PALS2: variants seen among roughly 807,000 people sequenced by gnomAD.
PALS2 encodes the protein protein PALS2.
PALS2 carries 27 observed loss-of-function variants against 61.6 expected under a neutral mutation model. The observed-to-expected ratio is 0.44, with a 90% CI of 0.32 to 0.60. PALS2 has a LOEUF of 0.60. PALS2 is among the 20% of genes least tolerant of loss of function. PALS2 has a pLI of 0.05. For synonymous variants in PALS2, 236 were observed against 218.6 expected, an observed-to-expected ratio of 1.08 and a Z score of -0.70; for missense variants, 554 against 639.4, an observed-to-expected ratio of 0.87 and a Z score of 1.44.
intron 2 of PALS2, chr7:24,624,140 G>A: frequency 2.3e-6 from 3 of 1,287,436 alleles, no homozygotes; most frequent in Non-Finnish European, 3.1e-6. Context: ...GCATTAGACT[G>A]TGTACCTACT....
chr7:24,609,779 A>G (rs898573626), intron 1 of PALS2, among the ~76,000 whole-genome samples: 5 of 151,820 alleles, frequency 3.3e-5, no homozygotes, highest in African/African-American at 1.2e-4. Flanking sequence ...CTTTGGAAAG[A>G]AGTTTGTGGT....
chr7:24,680,459 A>G lies in PALS2; in HGVS notation c.1385A>G (p.Glu462Gly), dbSNP rs770512027. Residue 462 changes from glutamate to glycine, a missense_variant, in exon 11 of 12, where the codon GAG becomes GGG. Coordinates refer to ENST00000222644, the MANE Select transcript of PALS2 (RefSeq NM_001303037.2). ...GTATTTATTGCGGCTCCGGAGCTAG[A>G]GACGTTACGTGCCATGCACAAGGCT... ...YVVFIAAPEL[E>G]TLRAMHKAVV... 22 of 1,613,974 alleles carry G rather than the reference A, an allele frequency of 1.4e-5. No homozygotes were observed. The highest frequency in any genetic ancestry group is 1.9e-5 in the Non-Finnish European group (22 of 1,179,934).
intron 1 of PALS2, among the ~76,000 whole-genome samples, chr7:24,577,228 A>C (rs1279297632): frequency 6.6e-6 from 1 of 151,070 alleles, no homozygotes; most frequent in Non-Finnish European, 1.5e-5. Context: ...CTTTCCTTTA[A>C]GATGACTTTG....
chr7:24,644,732 A>G (rs1785742672), intron 3 of PALS2, among the ~76,000 whole-genome samples: 1 of 151,878 alleles, frequency 6.6e-6, no homozygotes, highest in Admixed American at 6.6e-5. Flanking sequence ...ACTGCTTTCT[A>G]CAGTGGTTGA....
intron 1 of PALS2, among the ~76,000 whole-genome samples, chr7:24,591,084 C>A (rs1479734916): frequency 1.3e-5 from 2 of 151,946 alleles, no homozygotes; most frequent in Non-Finnish European, 2.9e-5. Flanking sequence ...TTTAAAATTA[C>A]ATACCTGTTT....
chr7:24,627,249 C>G (rs778501270), intron 2 of PALS2, among the ~76,000 whole-genome samples: 7 of 152,162 alleles, frequency 4.6e-5, no homozygotes, highest in Non-Finnish European at 8.8e-5. Flanking sequence ...GAACAACCTA[C>G]TCTTAAATGA....
At chr7:24,611,903 A>G (rs1457660701) in intron 1 of PALS2, among the ~76,000 whole-genome samples, 3 of 151,940 alleles carry the variant, frequency 2.0e-5, no homozygotes, top group African/African-American at 7.2e-5. Flanking sequence ...ATTCCTCATA[A>G]GTTATATGTA....
At chr7:24,641,965 T>A in intron 3 of PALS2, 97 bp downstream of exon 3, 1 of 1,341,920 alleles carries the variant, frequency 7.5e-7, no homozygotes, top group Non-Finnish European at 1.0e-6. Flanking sequence ...CAAAGATTAT[T>A]TAGGGCTATA....
chr7:24,672,972 C>G (rs1054036450), intron 9 of PALS2, among the ~76,000 whole-genome samples: 3 of 152,118 alleles, frequency 2.0e-5, no homozygotes, highest in African/African-American at 4.8e-5. Flanking sequence ...AAGTGAACAT[C>G]CTTGTCTTGT....
chr7:24,663,850 C>A, intron 6 of PALS2, 129 bp downstream of exon 6: 1 of 1,152,106 alleles, frequency 8.7e-7, no homozygotes. Context: ...ACAGCTCCTG[C>A]TTCGTGGCTA....
intron 9 of PALS2, 109 bp downstream of exon 9, chr7:24,668,769 C>G (rs1346726888): frequency 3.0e-6 from 4 of 1,334,360 alleles, no homozygotes; most frequent in African/African-American, 1.5e-5. Context: ...AATAAGTTTT[C>G]TTTATGGCAG....
chr7:24,644,095 CTTTTTT>C (rs59645237), intron 3 of PALS2, among the ~76,000 whole-genome samples: 2 of 134,262 alleles, frequency 1.5e-5, no homozygotes, highest in African/African-American at 5.5e-5. Flanking sequence ...TTTCTTTTTT[CTTTTTT>C]TTTTTTTTTT....
intron 1 of PALS2, among the ~76,000 whole-genome samples, chr7:24,593,949 T>G (rs1306937729): frequency 6.6e-6 from 1 of 152,118 alleles, no homozygotes; most frequent in Non-Finnish European, 1.5e-5. Context: ...AAGCATTGAC[T>G]TTTCACTAGC....
intron 3 of PALS2, 113 bp downstream of exon 3, chr7:24,641,981 T>A: frequency 1.7e-6 from 2 of 1,157,510 alleles, no homozygotes; most frequent in Non-Finnish European, 2.5e-6. Context: ...CTATAATAGG[T>A]AAGTATGTAA....
intron 1 of PALS2, among the ~76,000 whole-genome samples, chr7:24,603,862 A>G (rs1442668482): frequency 6.6e-6 from 1 of 152,206 alleles, no homozygotes; most frequent in African/African-American, 2.4e-5. Flanking sequence ...AAAAAAAATA[A>G]TAAATCTAGA....
chr7:24,615,858 A>G (rs1784277119), intron 1 of PALS2, among the ~76,000 whole-genome samples: 1 of 152,076 alleles, frequency 6.6e-6, no homozygotes, highest in African/African-American at 2.4e-5. Flanking sequence ...AGATCATACA[A>G]CATGATCAAG....
chr7:24,636,637 C>T (rs1275414445), intron 2 of PALS2, among the ~76,000 whole-genome samples: 2 of 152,110 alleles, frequency 1.3e-5, no homozygotes, highest in Non-Finnish European at 2.9e-5. Flanking sequence ...TCACATTGTA[C>T]ACCATAAATA....
chr7:24,644,085 TTTC>T (rs1407195806), intron 3 of PALS2, among the ~76,000 whole-genome samples: 2 of 145,376 alleles, frequency 1.4e-5, no homozygotes, highest in African/African-American at 5.2e-5. Flanking sequence ...AAATCAATAT[TTTC>T]TTTTTTCTTT....
chr7:24,573,561 G>T lies in PALS2; in HGVS notation c.-35G>T. ...CGGGGAGCGACCGGGAGCGGCGGCAGCGGCGGCGCGGAGGCGGCTGAGGTG... is the reference window on the plus strand; with the variant it reads ...CGGGGAGCGACCGGGAGCGGCGGCATCGGCGGCGCGGAGGCGGCTGAGGTG... On this transcript the variant is annotated 5_prime_UTR_variant, in exon 1 of 12. Transcript: ENST00000222644. This position sits in a 1 kb window ranked among gnomAD's most constrained non-coding sequence, Gnocchi z 5.3. The T allele has an allele frequency of 2.6e-6, 1 of 388,716 alleles. No individual in the cohort carries two copies. Among genetic ancestry groups the T allele is most frequent in the Non-Finnish European group, 4.5e-6 (1 of 220,744 alleles). The allele number at this position is 388,716 out of a possible 1,614,324, so 24.1% of individuals were successfully genotyped here. A position where few individuals can be genotyped will look rare whatever the true frequency, so the allele number is the denominator to read the frequency against.
Sources: gnomAD v4.1 joint callset for allele counts (sites outside exome capture counted in the v4.1 genomes callset) on GRCh38, gnomAD v4.1.1 for gene constraint, Gnocchi (gnomAD v3.1) non-coding constraint, MANE v1.5 for transcripts, NCBI Gene and HGNC (gene_info 2026-07-23, HGNC 2026-07-21) for gene names.